The following IL15 variants were observed in gnomAD, a reference collection of about 807,000 sequenced individuals.
The protein encoded by IL15 is interleukin-15.
Under a neutral mutation model 19.6 loss-of-function variants are expected in IL15, and 11 were observed. That is an observed-to-expected ratio of 0.56 (90% confidence interval 0.35 to 0.93). The LOEUF (loss-of-function observed/expected upper bound fraction) is 0.93. Among genes scored for constraint, IL15 ranks in the 40% least tolerant of loss-of-function variants. The pLI, the probability that IL15 is intolerant of heterozygous loss-of-function variation, is 0.01. For missense variants in IL15, 197 were observed against 186.5 expected (o/e 1.06, Z -0.33); for synonymous variants, 58 against 59.6 (o/e 0.97, Z 0.12).
At chr4:141,710,630 G>GT (rs1032834155) in intron 2 of IL15, among the ~76,000 whole-genome samples, 21 of 151,734 alleles carry the variant, frequency 1.4e-4, no homozygotes, top group Non-Finnish European at 1.5e-5. Context: ...CTGCCACATT[G>GT]TTTTTTCTGT....
At chr4:141,694,948 C>T in intron 2 of IL15, among the ~76,000 whole-genome samples, 1 of 152,134 alleles carries the variant, frequency 6.6e-6, no homozygotes. Context: ...AATCCTACAC[C>T]ATCAGAATAT....
At chr4:141,701,024 AT>A (rs1287946123) in intron 2 of IL15, among the ~76,000 whole-genome samples, 1 of 151,594 alleles carries the variant, frequency 6.6e-6, no homozygotes, top group Non-Finnish European at 1.5e-5. Context: ...CATATTCTGG[AT>A]TATTTTTGAA....
chr4:141,721,390 A>T (rs375672125), intron 4 of IL15, among the ~76,000 whole-genome samples: 217 of 152,298 alleles, frequency 1.4e-3, no homozygotes, highest in African/African-American at 4.9e-3. Flanking sequence ...CACTGGAATG[A>T]AGTCTGTACT....
intron 6 of IL15, among the ~76,000 whole-genome samples, chr4:141,728,663 T>C: frequency 6.6e-6 from 1 of 152,134 alleles, no homozygotes; most frequent in East Asian, 1.9e-4. Flanking sequence ...TCTCCATTAT[T>C]CCTCAATTAG....
chr4:141,681,149 G>T lies in IL15; in HGVS notation c.-100+24842G>T, dbSNP rs183874389. On this transcript the variant is annotated intron_variant, in intron 2 of 7. Transcript: ENST00000320650. ...TTGAGTACAGTCTGAGAGAGTGCCT[G>T]TCTTCCATTATTGTACATTTTTCTT... Among the ~76,000 whole-genome samples the T allele has an allele frequency of 2.2e-3, 329 of 152,222 alleles. 4 individuals carry two copies. Among genetic ancestry groups the T allele is most frequent in the Admixed American group, 5.3e-3 (81 of 15,284 alleles).
At chr4:141,675,216 TGA>T in intron 2 of IL15, among the ~76,000 whole-genome samples, 2 of 152,174 alleles carry the variant, frequency 1.3e-5, no homozygotes, top group Admixed American at 1.3e-4. Flanking sequence ...AAGTTAAGTG[TGA>T]CACTATTCTG....
chr4:141,722,436 G>A (rs963046081), intron 5 of IL15, among the ~76,000 whole-genome samples: 2 of 152,202 alleles, frequency 1.3e-5, no homozygotes, highest in South Asian at 2.1e-4. Flanking sequence ...TGGAAGTCTC[G>A]ATGGCACCAA....
At chr4:141,681,859 G>A (rs1325692944) in intron 2 of IL15, among the ~76,000 whole-genome samples, 2 of 152,234 alleles carry the variant, frequency 1.3e-5, no homozygotes, top group Admixed American at 6.5e-5. Context: ...TATTCTCTCC[G>A]TTGGTTGTAT....
chr4:141,725,984 C>T (rs74824666), intron 5 of IL15, among the ~76,000 whole-genome samples: 4,059 of 152,176 alleles, frequency 0.027, 186 homozygotes, highest in African/African-American at 0.092. Context: ...GCTGAATGTA[C>T]TCATGTGCTA....
At chr4:141,720,810 G>T in intron 4 of IL15, 3 of 549,902 alleles carry the variant, frequency 5.5e-6, no homozygotes, top group Admixed American at 7.3e-5. Context: ...TGGGCCTTTT[G>T]ATATTTAACT....
At chr4:141,686,859 T>TGG (rs1728729801) in intron 2 of IL15, among the ~76,000 whole-genome samples, 1 of 152,230 alleles carries the variant, frequency 6.6e-6, no homozygotes, top group African/African-American at 2.4e-5. Context: ...ATTATAATAC[T>TGG]TTATTTTCTA....
intron 4 of IL15, 187 bp downstream of exon 4, chr4:141,720,753 TAC>T (rs1482212387): frequency 1.7e-6 from 1 of 605,070 alleles, no homozygotes; most frequent in East Asian, 2.9e-5. Context: ...AGCATTTTTC[TAC>T]ATTGTGGTAA....
intron 2 of IL15, among the ~76,000 whole-genome samples, chr4:141,681,078 T>C (rs1728515822): frequency 6.6e-6 from 1 of 152,176 alleles, no homozygotes; most frequent in Admixed American, 6.5e-5. Context: ...GCATTTATAT[T>C]CTCTCTGTAG....
At chr4:141,643,784 T>C (rs1033890203) in intron 1 of IL15, among the ~76,000 whole-genome samples, 1 of 151,992 alleles carries the variant, frequency 6.6e-6, no homozygotes, top group African/African-American at 2.4e-5. Flanking sequence ...CCTTCTTACA[T>C]TGATGATTCA....
rs2857261 is a variant in IL15 at position 141,719,484 on chromosome 4, A to G, written c.12+8A>G. ...TGAGTAATGAGAATTTCGGTAAGAA[A>G]AAAAATAGATGAAAATATCCTATGG... is the stretch of plus-strand genomic sequence containing the variant. On this transcript the variant is annotated splice_region_variant and intron_variant, in intron 3 of 7. Transcript: ENST00000320650. 0.46 allele frequency: 551,805 copies of G among 1,205,624 alleles called. 128,776 individuals carry two copies. Among genetic ancestry groups the G allele is most frequent in the South Asian group, 0.56 (44,491 of 79,448 alleles). 74.7% of individuals were successfully genotyped at this position (1,205,624 alleles called of 1,614,324 possible). A position where few individuals can be genotyped will look rare whatever the true frequency, so the allele number is the denominator to read the frequency against.
chr4:141,722,715 T>C (rs1260384284), intron 5 of IL15, among the ~76,000 whole-genome samples: 1 of 152,148 alleles, frequency 6.6e-6, no homozygotes, highest in Non-Finnish European at 1.5e-5. Flanking sequence ...GGATCAGATG[T>C]TGGAATTCTC....
chr4:141,693,016 C>CAAAAAAAAAAAAAAA (rs70949131), intron 2 of IL15, among the ~76,000 whole-genome samples: 477 of 23,236 alleles, frequency 0.021, 143 homozygotes, highest in Middle Eastern at 0.067. Context: ...GACTCCGTCT[C>CAAAAAAAAAAAAAAA]AAAAAAAAAA....
intron 5 of IL15, among the ~76,000 whole-genome samples, chr4:141,725,096 A>C (rs946048926): frequency 2.0e-5 from 3 of 152,194 alleles, no homozygotes; most frequent in Admixed American, 2.0e-4. Flanking sequence ...ATTATACACC[A>C]TGACCGAGTG....
intron 2 of IL15, among the ~76,000 whole-genome samples, chr4:141,680,259 T>C (rs1728489351): frequency 6.6e-6 from 1 of 152,200 alleles, no homozygotes. Context: ...GATAGCAGTA[T>C]TTTATTATAG....
Sources: gnomAD v4.1 joint callset for allele counts (sites outside exome capture counted in the v4.1 genomes callset) on GRCh38, gnomAD v4.1.1 for gene constraint, MANE v1.5 for transcripts, NCBI Gene and HGNC (gene_info 2026-07-23, HGNC 2026-07-21) for gene names.